Variants in PIP4K2A observed in about 807,000 individuals in gnomAD.
The protein encoded by PIP4K2A is phosphatidylinositol-5-phosphate 4-kinase type 2 alpha.
PIP4K2A carries 14 observed loss-of-function variants against 42.9 expected under a neutral mutation model. The observed-to-expected ratio is 0.33, with a 90% confidence interval of 0.22 to 0.51. The LOEUF (loss-of-function observed/expected upper bound fraction) is 0.51, where lower values mean the gene tolerates loss of function less well. Among genes scored for constraint, PIP4K2A ranks in the 20% least tolerant of loss-of-function variants. The pLI, the probability that PIP4K2A is intolerant of heterozygous loss-of-function variation, is 0.97. For missense variants in PIP4K2A, 434 were observed against 519.8 expected (o/e 0.83, Z 1.61); for synonymous variants, 192 against 192.2 (o/e 1.00, Z 0.01).
At chr10:22,602,485 CCT>C (rs961421807) in intron 3 of PIP4K2A, among the ~76,000 whole-genome samples, 3 of 151,914 alleles carry the variant, frequency 2.0e-5, no homozygotes, top group African/African-American at 7.3e-5. Flanking sequence ...TTGCCATTCC[CCT>C]GAGCAAAACC....
intron 6 of PIP4K2A, 21 bp downstream of exon 6, chr10:22,567,830 G>C (rs1836884610): frequency 1.2e-6 from 2 of 1,601,552 alleles, no homozygotes; most frequent in Non-Finnish European, 1.7e-6. Context: ...GACATGGGGA[G>C]ACATACAGCA....
intron 1 of PIP4K2A, among the ~76,000 whole-genome samples, chr10:22,616,330 C>G (rs1838177708): frequency 6.6e-6 from 1 of 152,216 alleles, no homozygotes; most frequent in South Asian, 2.1e-4. Context: ...GCACATGTGC[C>G]AAGACCCACG....
In PIP4K2A at chr10:22,607,937, T is replaced by G; in HGVS notation, c.329A>C (p.Gln110Pro). Residue 110 changes from glutamine (Q) to proline (P), a missense_variant, in exon 3 of 10, where the codon CAA becomes CCA. Physicochemically the swap from Gln to Pro is moderately conservative, Grantham distance 76. This residue lies in a region of PIP4K2A where 395 missense variants were observed against 444.5 expected (regional missense o/e 0.89). Coordinates refer to ENST00000376573, the MANE Select transcript of PIP4K2A (RefSeq NM_005028.5). Reference sequence around the variant, plus strand: ...ACAAACGCAACTCACCTGGAAATCTTGATCATCAATTCCAAACCTCTCCCG... The same window carrying G: ...ACAAACGCAACTCACCTGGAAATCTGGATCATCAATTCCAAACCTCTCCCG... Reference protein sequence around the residue: ...NLRERFGIDDQDFQNSLTRSA... With the variant: ...NLRERFGIDDPDFQNSLTRSA... 6.2e-7 allele frequency: 1 copy of G among 1,610,632 alleles called. No homozygotes were observed. Among genetic ancestry groups the G allele is most frequent in the Non-Finnish European group, 8.5e-7 (1 of 1,177,076 alleles).
At chr10:22,593,666 T>C (rs1028001939) in intron 3 of PIP4K2A, among the ~76,000 whole-genome samples, 4 of 152,270 alleles carry the variant, frequency 2.6e-5, no homozygotes, top group African/African-American at 9.6e-5. Context: ...TACTTTTTTC[T>C]TGCAATCACT....
chr10:22,618,655 C>T (rs1564445125), intron 1 of PIP4K2A, among the ~76,000 whole-genome samples: 1 of 152,220 alleles, frequency 6.6e-6, no homozygotes, highest in African/African-American at 2.4e-5. Flanking sequence ...CTCTCCAGAG[C>T]TATCTGCACA....
intron 6 of PIP4K2A, among the ~76,000 whole-genome samples, chr10:22,559,800 A>AT (rs1212708514): frequency 6.6e-6 from 1 of 152,200 alleles, no homozygotes; most frequent in Non-Finnish European, 1.5e-5. Flanking sequence ...ATTTGAAACA[A>AT]GAGATTCTCA....
chr10:22,552,409 G>C (rs1424033790), intron 6 of PIP4K2A, among the ~76,000 whole-genome samples: 1 of 152,188 alleles, frequency 6.6e-6, no homozygotes, highest in African/African-American at 2.4e-5. Flanking sequence ...ATGTCAGGAT[G>C]CGCCTGCTAG....
intron 5 of PIP4K2A, among the ~76,000 whole-genome samples, chr10:22,572,545 C>T (rs1427572330): frequency 1.3e-5 from 2 of 151,992 alleles, no homozygotes; most frequent in Non-Finnish European, 2.9e-5. Flanking sequence ...GCAGAGGTTG[C>T]CATGAGCCAA....
intron 1 of PIP4K2A, among the ~76,000 whole-genome samples, chr10:22,646,838 T>C (rs1052855101): frequency 2.0e-5 from 3 of 152,188 alleles, no homozygotes; most frequent in Admixed American, 1.3e-4. Flanking sequence ...TTGGCTGATA[T>C]ATCCTTTTCC....
chr10:22,541,594 A>C (rs900275288), intron 8 of PIP4K2A, among the ~76,000 whole-genome samples: 3 of 152,184 alleles, frequency 2.0e-5, no homozygotes, highest in Non-Finnish European at 4.4e-5. Flanking sequence ...TCAACATCAC[A>C]GAATTCAAAG....
intron 1 of PIP4K2A, among the ~76,000 whole-genome samples, chr10:22,688,164 C>A (rs1418974182): frequency 6.6e-6 from 1 of 151,944 alleles, no homozygotes; most frequent in East Asian, 1.9e-4. Flanking sequence ...AAGGGTCCAC[C>A]AAAGTGACAA....
In PIP4K2A at chr10:22,536,659, A is replaced by G. The variant is rs1028467291; in HGVS notation, c.*542T>C. ...CCTTGGAATCATCATCATTATTATA[A>G]TAATCATCATTATTATCTTCATTAT... is the stretch of plus-strand genomic sequence containing the variant. On this transcript the variant is annotated 3_prime_UTR_variant, in exon 10 of 10. Transcript: ENST00000376573. The G allele has an allele frequency of 6.8e-6, 1 of 146,588 alleles. No individual in the cohort carries two copies. The highest frequency in any genetic ancestry group is 1.5e-5 in the Non-Finnish European group (1 of 66,586). 9.1% of individuals were successfully genotyped at this position (146,588 alleles called of 1,614,324 possible).
At chr10:22,612,844 A>G (rs937069099) in intron 1 of PIP4K2A, among the ~76,000 whole-genome samples, 1 of 152,160 alleles carries the variant, frequency 6.6e-6, no homozygotes, top group Non-Finnish European at 1.5e-5. Flanking sequence ...GGCCGTGGAC[A>G]GGTGGGTCTG....
chr10:22,687,153 A>AG (rs1423752497), intron 1 of PIP4K2A, among the ~76,000 whole-genome samples: 1 of 152,126 alleles, frequency 6.6e-6, no homozygotes, highest in African/African-American at 2.4e-5. Flanking sequence ...TTAAAAAAAA[A>AG]AAAAAAGGAT....
chr10:22,700,468 A>G (rs1052231903), intron 1 of PIP4K2A, among the ~76,000 whole-genome samples: 3 of 152,200 alleles, frequency 2.0e-5, no homozygotes, highest in Non-Finnish European at 4.4e-5. Flanking sequence ...GGAACGTGAC[A>G]TGAGAAATTT....
intron 3 of PIP4K2A, 62 bp downstream of exon 3, chr10:22,607,865 A>G: frequency 1.0e-6 from 1 of 984,730 alleles, no homozygotes; most frequent in Non-Finnish European, 1.6e-6. Context: ...CCCAATTGAC[A>G]CAGCAAAAGT....
At chr10:22,584,994 G>C (rs1469251279) in intron 4 of PIP4K2A, among the ~76,000 whole-genome samples, 3 of 152,198 alleles carry the variant, frequency 2.0e-5, no homozygotes, top group African/African-American at 7.2e-5. Context: ...GGGCCTGGTA[G>C]AAAGGCGGCC....
intron 6 of PIP4K2A, among the ~76,000 whole-genome samples, chr10:22,562,656 G>T (rs983940433): frequency 5.3e-5 from 8 of 152,172 alleles, no homozygotes; most frequent in Non-Finnish European, 1.5e-5. Context: ...GAGAGAGAAG[G>T]CATGGCATGA....
In PIP4K2A at chr10:22,535,884, T is replaced by C. The variant is rs1835906308; in HGVS notation, c.*1317A>G. ...AATCATTAGGTTGATAAATGTACAT[T>C]TGGAGGAAAAAAAAATCCTTTTCCT... On this transcript the variant is annotated 3_prime_UTR_variant, in exon 10 of 10. Coordinates refer to ENST00000376573, the MANE Select transcript of PIP4K2A (RefSeq NM_005028.5). 2 of 246,466 alleles carry C rather than the reference T, an allele frequency of 8.1e-6. No individual in the cohort carries two copies. The highest frequency in any genetic ancestry group is 1.3e-5 in the Non-Finnish European group (2 of 156,020). 15.3% of individuals were successfully genotyped at this position (246,466 alleles called of 1,614,324 possible). A position where few individuals can be genotyped will look rare whatever the true frequency, so the allele number is the denominator to read the frequency against.
Sources: gnomAD v4.1 joint callset for allele counts (sites outside exome capture counted in the v4.1 genomes callset) on GRCh38, gnomAD v4.1.1 for gene constraint, gnomAD v4.1.1 regional missense constraint, MANE v1.5 for transcripts, NCBI Gene and HGNC (gene_info 2026-07-23, HGNC 2026-07-21) for gene names.